Variants in RORA observed in about 807,000 individuals in gnomAD.
RORA encodes the protein nuclear receptor ROR-alpha.
Under a neutral mutation model 69.5 loss-of-function variants are expected in RORA, and 7 were observed. That is an observed-to-expected ratio of 0.10 (90% confidence interval 0.06 to 0.19). The LOEUF (loss-of-function observed/expected upper bound fraction) is 0.19, where lower values mean the gene tolerates loss of function less well. Ranked by LOEUF, RORA falls within the 10% of genes least tolerant of loss-of-function variation. The pLI, the probability that RORA is intolerant of heterozygous loss-of-function variation, is 1.00. For synonymous variants in RORA, 261 were observed against 240.8 expected, an observed-to-expected ratio of 1.08 and a Z score of -0.78; for missense variants, 457 against 663.0, an observed-to-expected ratio of 0.69 and a Z score of 3.41.
chr15:60,857,455 A>T (rs887255078), intron 1 of RORA, among the ~76,000 whole-genome samples: 1 of 152,104 alleles, frequency 6.6e-6, no homozygotes, highest in African/African-American at 2.4e-5. Flanking sequence ...CACACAACAC[A>T]ACATGCCAGG....
intron 2 of RORA, among the ~76,000 whole-genome samples, chr15:60,605,845 C>A (rs1246954551): frequency 6.6e-6 from 1 of 152,154 alleles, no homozygotes; most frequent in African/African-American, 2.4e-5. Context: ...TCATTAGGAA[C>A]CTGACAACAG....
intron 1 of RORA, among the ~76,000 whole-genome samples, chr15:60,923,578 A>C (rs1321501351): frequency 6.6e-6 from 1 of 152,204 alleles, no homozygotes; most frequent in Non-Finnish European, 1.5e-5. Context: ...GTCTCTCCCA[A>C]GTCTTTTTAA....
At chr15:60,824,082 G>A (rs557501351) in intron 1 of RORA, among the ~76,000 whole-genome samples, 1 of 152,206 alleles carries the variant, frequency 6.6e-6, no homozygotes, top group Non-Finnish European at 1.5e-5. Flanking sequence ...CCGGTGGAAT[G>A]CATGCATATA....
intron 1 of RORA, chr15:60,706,433 T>C (rs371910667): frequency 6.6e-6 from 1 of 152,224 alleles, no homozygotes; most frequent in East Asian, 1.9e-4. Flanking sequence ...ATGGGGTATT[T>C]TGGGGGTGGG....
At chr15:61,223,084 C>T (rs140382500) in intron 1 of RORA, among the ~76,000 whole-genome samples, 1 of 151,960 alleles carries the variant, frequency 6.6e-6, no homozygotes, top group Non-Finnish European at 1.5e-5. Context: ...GAGGCCGAGG[C>T]GGGTGGATTG....
At chr15:60,550,777 C>T (rs8028078) in intron 2 of RORA, among the ~76,000 whole-genome samples, 142,348 of 152,276 alleles carry the variant, frequency 0.93, 67,139 homozygotes, top group East Asian at 1. Flanking sequence ...AATAAAAGCT[C>T]AAGCAATGAA....
intron 1 of RORA, among the ~76,000 whole-genome samples, chr15:60,876,536 CGTT>C (rs958394395): frequency 6.6e-6 from 1 of 152,154 alleles, no homozygotes; most frequent in African/African-American, 2.4e-5. Context: ...TTAAAACCTT[CGTT>C]ATCACATCAA....
At chr15:60,806,446 GC>G (rs1213250088) in intron 1 of RORA, among the ~76,000 whole-genome samples, 1 of 152,202 alleles carries the variant, frequency 6.6e-6, no homozygotes, top group Non-Finnish European at 1.5e-5. Context: ...CTTCCGGAAT[GC>G]CACTCTTTTA....
At chr15:61,187,825 C>T (rs1433821949) in intron 1 of RORA, among the ~76,000 whole-genome samples, 5 of 152,112 alleles carry the variant, frequency 3.3e-5, no homozygotes, top group African/African-American at 1.2e-4. Flanking sequence ...CTCTGAAGAA[C>T]GTTTTGTAAG....
At chr15:60,678,615 C>T in intron 2 of RORA, 42 bp downstream of exon 2, 2 of 1,498,986 alleles carry the variant, frequency 1.3e-6, no homozygotes, top group Non-Finnish European at 1.9e-6. Flanking sequence ...CGAATTCCAA[C>T]TCTTCAGAAA....
intron 1 of RORA, among the ~76,000 whole-genome samples, chr15:61,053,400 C>T (rs756832601): frequency 6.6e-6 from 1 of 152,078 alleles, no homozygotes; most frequent in Non-Finnish European, 1.5e-5. Context: ...CCTGCCTGTC[C>T]AGATGTAATT....
intron 1 of RORA, among the ~76,000 whole-genome samples, chr15:61,188,425 A>G (rs1360344331): frequency 6.6e-6 from 1 of 152,172 alleles, no homozygotes; most frequent in African/African-American, 2.4e-5. Context: ...ATTCTGGGGC[A>G]GCAGTGCCCA....
intron 1 of RORA, among the ~76,000 whole-genome samples, chr15:61,170,462 G>A (rs1223895552): frequency 2.0e-5 from 3 of 152,114 alleles, no homozygotes; most frequent in Admixed American, 6.5e-5. Flanking sequence ...ATAAGGACCT[G>A]TAATTACACT....
intron 1 of RORA, among the ~76,000 whole-genome samples, chr15:60,814,290 C>T (rs1445276233): frequency 1.3e-5 from 2 of 152,174 alleles, no homozygotes; most frequent in Non-Finnish European, 2.9e-5. Context: ...TCAAGGCGTT[C>T]TGCATGTGAC....
chr15:60,952,114 T>G (rs1893125497), intron 1 of RORA, among the ~76,000 whole-genome samples: 1 of 151,090 alleles, frequency 6.6e-6, no homozygotes, highest in Admixed American at 6.6e-5. Context: ...GCTTCATCCC[T>G]GGGATGCAAG....
In RORA at chr15:61,136,949, A is replaced by G. The variant is rs151126597; in HGVS notation, c.166+92104T>C. Among the ~76,000 whole-genome samples, 163 of 151,952 alleles carry G rather than the reference A, an allele frequency of 1.1e-3. 1 individual carries two copies. Among genetic ancestry groups the G allele is most frequent in the African/African-American group, 3.8e-3 (159 of 41,406 alleles). ...GCTCTTTTGGCATCCACTCATTCCA[A>G]GAAGAGAAGGTCCAGCATCCAATGA... is the stretch of plus-strand genomic sequence containing the variant. On this transcript the variant is annotated intron_variant, in intron 1 of 10. Coordinates refer to ENST00000335670, the MANE Select transcript of RORA (RefSeq NM_134261.3).
rs1038670841 is a variant in RORA at position 60,493,439 on chromosome 15, A to G, written c.*4016T>C. The G allele has an allele frequency of 2.0e-5, 3 of 152,202 alleles. No homozygotes were observed. Among genetic ancestry groups the G allele is most frequent in the African/African-American group, 7.2e-5 (3 of 41,454 alleles). 9.4% of individuals were successfully genotyped at this position (152,202 alleles called of 1,614,324 possible). ...GAAGAACATGTGCAAAAAAGCAACAATGAGAGAAGCTTACATACTACTTAA... is the reference window on the plus strand; with the variant it reads ...GAAGAACATGTGCAAAAAAGCAACAGTGAGAGAAGCTTACATACTACTTAA... On this transcript the variant is annotated 3_prime_UTR_variant, in exon 11 of 11. Transcript: ENST00000335670.
At chr15:61,212,024 A>G (rs2079996714) in intron 1 of RORA, 1 of 152,080 alleles carries the variant, frequency 6.6e-6, no homozygotes, top group Non-Finnish European at 1.5e-5. Context: ...TCTTTCACTT[A>G]GTTTCCCATG....
intron 2 of RORA, among the ~76,000 whole-genome samples, chr15:60,648,123 G>C (rs2070084497): frequency 6.6e-6 from 1 of 152,260 alleles, no homozygotes; most frequent in African/African-American, 2.4e-5. Context: ...TAGAAAGCAT[G>C]ACGGTGTCTC....
Sources: allele counts gnomAD v4.1 joint callset (sites outside exome capture counted in the v4.1 genomes callset), GRCh38; gene constraint gnomAD v4.1.1; transcripts MANE v1.5; gene names NCBI Gene and HGNC (gene_info 2026-07-23, HGNC 2026-07-21).